Variants in SSTR3 observed in about 807,000 individuals in gnomAD.
SSTR3 encodes somatostatin receptor 3, also known as somatostatin receptor type 3.
For missense variants in SSTR3, 504 were observed against 604.7 expected, an observed-to-expected ratio of 0.83 and a Z score of 1.75; for synonymous variants, 281 against 269.2, an observed-to-expected ratio of 1.04 and a Z score of -0.43.
At chr22:37,211,401 CA>C (rs1307712037) in intron 1 of SSTR3, among the ~76,000 whole-genome samples, 5 of 152,212 alleles carry the variant, frequency 3.3e-5, no homozygotes, top group Non-Finnish European at 7.3e-5. Context: ...TGACCTCGGG[CA>C]AGTCACTTCT....
rs764548986 is a variant in SSTR3, at chr22:37,206,641, G to A, written c.1163C>T (p.Pro388Leu). The change falls in exon 2 of 2, where the codon CCG (proline) becomes CTG (leucine). Residue 388 changes from proline to leucine, a missense_variant. By Grantham distance (98) the Pro-to-Leu change is moderately conservative. Transcript: ENST00000610913. Reference sequence around the variant, plus strand: ...CTCCTTGCTGGCCACTCTGCTGGGCGGCCGCTCCTGCCCGCTGGTGCCAGG... The same window carrying A: ...CTCCTTGCTGGCCACTCTGCTGGGCAGCCGCTCCTGCCCGCTGGTGCCAGG... ...TQPGTSGQER[P>L]PSRVASKEQQ... 138 of 1,611,166 alleles carry A rather than the reference G, an allele frequency of 8.6e-5. No individual in the cohort carries two copies. The highest frequency in any genetic ancestry group is 1.1e-4 in the Non-Finnish European group (127 of 1,180,014).
chr22:37,209,108 A>T (rs1044106109), intron 1 of SSTR3, among the ~76,000 whole-genome samples: 1 of 152,220 alleles, frequency 6.6e-6, no homozygotes, highest in Admixed American at 6.5e-5. Flanking sequence ...AATCTCTCAG[A>T]GGAGAAGCCC....
chr22:37,204,538 C>T lies in SSTR3; in HGVS notation c.*2009G>A, dbSNP rs1035832304. ...CCACACTCTCCCCAAGCCCTGCCTC[C>T]CTAACCCTTGGCCTCTGACCCCCCA... On this transcript the variant is annotated 3_prime_UTR_variant, in exon 2 of 2. Transcript: ENST00000610913. The T allele has an allele frequency of 6.6e-6, 1 of 152,356 alleles. No individual in the cohort carries two copies. The highest frequency in any genetic ancestry group is 2.4e-5 in the African/African-American group (1 of 41,452). 9.4% of individuals were successfully genotyped at this position (152,356 alleles called of 1,614,324 possible). A position where few individuals can be genotyped will look rare whatever the true frequency, so the allele number is the denominator to read the frequency against.
rs775327404 is a variant in SSTR3, at chr22:37,207,616, G to A, written c.188C>T (p.Ser63Leu). The change falls in exon 2 of 2, where the codon TCG (serine) becomes TTG (leucine). Residue 63 changes from serine to leucine, a missense_variant. Transcript: ENST00000610913. ...CCGCAGGACCACATAGATGACCAGCGAGTTACCCAGCAGGCCCACCACGCA... is the reference window on the plus strand; with the variant it reads ...CCGCAGGACCACATAGATGACCAGCAAGTTACCCAGCAGGCCCACCACGCA... ...VVCVVGLLGN[S>L]LVIYVVLRHT... 14 of 1,605,262 alleles carry A rather than the reference G, an allele frequency of 8.7e-6. No homozygotes were observed. The highest frequency in any genetic ancestry group is 4.4e-5 in the South Asian group (4 of 90,560).
upstream of SSTR3, among the ~76,000 whole-genome samples, chr22:37,216,592 G>A (rs185338738): frequency 3.9e-5 from 6 of 152,332 alleles, no homozygotes; most frequent in African/African-American, 1.4e-4. Flanking sequence ...CCTCAGGGAC[G>A]ATTTCGTCCT....
At chr22:37,218,051 C>T in the SSTR3 span, among the ~76,000 whole-genome samples, 1 of 152,222 alleles carries the variant, frequency 6.6e-6, no homozygotes, top group Non-Finnish European at 1.5e-5. Context: ...ATTCTGTACT[C>T]ATTTGTGGAT....
the SSTR3 span, among the ~76,000 whole-genome samples, chr22:37,218,484 G>A: frequency 6.6e-6 from 1 of 152,206 alleles, no homozygotes; most frequent in African/African-American, 2.4e-5. Context: ...GAACCCAGGA[G>A]GTGGAGGTTG....
upstream of SSTR3, among the ~76,000 whole-genome samples, chr22:37,216,769 TC>T (rs1323575883): frequency 6.6e-6 from 1 of 151,808 alleles, no homozygotes; most frequent in African/African-American, 2.4e-5. Flanking sequence ...TTTTACTCTC[TC>T]ATTTTATGGG....
At chr22:37,207,986 A>G in intron 1 of SSTR3, 147 bp from the exon 2 acceptor site, 1 of 1,316,556 alleles carries the variant, frequency 7.6e-7, no homozygotes, top group East Asian at 2.9e-5. Context: ...CTTAGCACGC[A>G]CCATCTCATT....
chr22:37,215,138 C>T (rs1926381573), upstream of SSTR3, among the ~76,000 whole-genome samples: 1 of 152,228 alleles, frequency 6.6e-6, no homozygotes, highest in African/African-American at 2.4e-5. Flanking sequence ...CCCCTTATGC[C>T]TCGGTGCATA....
Position 37,206,043 on chromosome 22 carries a change from G to C in SSTR3, c.*504C>G, listed in dbSNP as rs1327694966. ...TGGTCCAAGGCCTCACAGTCGAGGGGAGGGAGCTGATCTGGGGCCTGACCA... is the reference window on the plus strand; with the variant it reads ...TGGTCCAAGGCCTCACAGTCGAGGGCAGGGAGCTGATCTGGGGCCTGACCA... On this transcript the variant is annotated 3_prime_UTR_variant, in exon 2 of 2. Transcript: ENST00000610913. 2 of 154,254 alleles carry C rather than the reference G, an allele frequency of 1.3e-5. No homozygotes were observed. The highest frequency in any genetic ancestry group is 2.4e-5 in the African/African-American group (1 of 41,502). 9.6% of individuals were successfully genotyped at this position (154,254 alleles called of 1,614,324 possible).
chr22:37,213,254 A>G (rs4821603), upstream of SSTR3, among the ~76,000 whole-genome samples: 85,801 of 152,106 alleles, frequency 0.56, 24,533 homozygotes, highest in East Asian at 0.75. Context: ...TCTGCCGTAC[A>G]GTCCTGAGCA....
Position 37,207,484 on chromosome 22 carries a change from G to A in SSTR3, c.320C>T (p.Ser107Phe). Reference protein sequence around the residue: ...LPFLAAQNALSYWPFGSLMCR... With the variant: ...LPFLAAQNALFYWPFGSLMCR... The stretch of plus-strand genomic sequence containing the variant: ...CATGAGGGAGCCGAAGGGCCAGTAG[G>A]ACAGGGCGTTCTGGGCGGCCAGGAA... The change falls in exon 2 of 2, where the codon TCC (serine) becomes TTC (phenylalanine). Residue 107 changes from serine (S) to phenylalanine (F), a missense_variant. Coordinates refer to ENST00000610913, the MANE Select transcript of SSTR3 (RefSeq NM_001051.5). 1 of 1,613,682 alleles carries A rather than the reference G, an allele frequency of 6.2e-7. No individual in the cohort carries two copies. The highest frequency in any genetic ancestry group is 8.5e-7 in the Non-Finnish European group (1 of 1,180,008).
upstream of SSTR3, among the ~76,000 whole-genome samples, chr22:37,215,147 T>C (rs919915530): frequency 6.6e-6 from 1 of 152,248 alleles, no homozygotes; most frequent in Admixed American, 6.5e-5. Context: ...CCTCGGTGCA[T>C]ACATCCCAAT....
Position 37,206,599 on chromosome 22 carries a change from T to C in SSTR3, c.1205A>G (p.Gln402Arg). ...VASKEQQLLP[Q>R]EASTGEKSST... Reference sequence around the variant, plus strand: ...GGACTTCTCCCCAGTGGAAGCCTCTTGGGGTAGGAGCTGCTGCTCCTTGCT... The same window carrying C: ...GGACTTCTCCCCAGTGGAAGCCTCTCGGGGTAGGAGCTGCTGCTCCTTGCT... The change falls in exon 2 of 2, where the codon CAA becomes CGA. Residue 402 changes from glutamine to arginine, a missense_variant. By Grantham distance (43) the Gln-to-Arg change is conservative (BLOSUM62 1). Transcript: ENST00000610913. The C allele has an allele frequency of 2.5e-6, 4 of 1,612,406 alleles. No homozygotes were observed. Among genetic ancestry groups the C allele is most frequent in the Non-Finnish European group, 3.4e-6 (4 of 1,179,964 alleles).
At chr22:37,212,667 G>T (rs527990420), upstream of SSTR3, among the ~76,000 whole-genome samples, 342 of 152,276 alleles carry the variant, frequency 2.2e-3, 3 homozygotes, top group African/African-American at 8.1e-3. Flanking sequence ...GTGCTCAGGG[G>T]AGCCGAGGCT....
chr22:37,215,637 G>A, upstream of SSTR3: 1 of 191,878 alleles, frequency 5.2e-6, no homozygotes, highest in Non-Finnish European at 1.1e-5. Flanking sequence ...AATCAAACAT[G>A]TCCAGCTGTC....
chr22:37,215,239 A>C (rs1338956113), upstream of SSTR3, among the ~76,000 whole-genome samples: 2 of 152,086 alleles, frequency 1.3e-5, no homozygotes, highest in African/African-American at 2.4e-5. Context: ...GATGTTTTAC[A>C]TACCCATGGT....
At chr22:37,219,348 G>A in the SSTR3 span, among the ~76,000 whole-genome samples, 1 of 152,202 alleles carries the variant, frequency 6.6e-6, no homozygotes, top group African/African-American at 2.4e-5. Flanking sequence ...ACCCCTCTCT[G>A]CACCTCCAGC....
Sources: gnomAD v4.1 joint callset for allele counts (sites outside exome capture counted in the v4.1 genomes callset) on GRCh38, gnomAD v4.1.1 for gene constraint, MANE v1.5 for transcripts, NCBI Gene and HGNC (gene_info 2026-07-23, HGNC 2026-07-21) for gene names.